The following ZNF875 variants were observed in gnomAD, a reference collection of about 807,000 sequenced individuals.
ZNF875 encodes HKR1, GLI-Kruppel zinc finger family member.
ZNF875 carries 14 observed loss-of-function variants against 11.2 expected under a neutral mutation model. The observed-to-expected ratio is 1.26, with a 90% CI of 0.83 to 1.96. The LOEUF (loss-of-function observed/expected upper bound fraction) is 1.96, where lower values mean the gene tolerates loss of function less well. ZNF875 is among the 30% of genes most tolerant of loss of function. The probability of loss-of-function intolerance (pLI) is 0.00; values close to 1 mark genes in which losing one functional copy is unlikely to be tolerated. For synonymous variants in ZNF875, 301 were observed against 281.1 expected, an observed-to-expected ratio of 1.07 and a Z score of -0.71; for missense variants, 752 against 760.4, an observed-to-expected ratio of 0.99 and a Z score of 0.13.
upstream of ZNF875, among the ~76,000 whole-genome samples, chr19:37,333,892 G>T (rs2033779813): frequency 6.6e-6 from 1 of 151,956 alleles, no homozygotes; most frequent in South Asian, 2.1e-4. Context: ...TCAGACTTAT[G>T]CCTCCTTTCC....
chr19:37,334,605 GCTCCC>G (rs541917672), upstream of ZNF875: 87 of 443,176 alleles, frequency 2.0e-4, no homozygotes, highest in African/African-American at 1.0e-3. Flanking sequence ...GGTCACTTCC[GCTCCC>G]CTCCCTACCC....
intron 2 of ZNF875, among the ~76,000 whole-genome samples, chr19:37,345,575 A>G (rs762835492): frequency 6.6e-6 from 1 of 152,186 alleles, no homozygotes; most frequent in Admixed American, 6.5e-5. Context: ...GGCAGTCTCC[A>G]ATAGTGTGTT....
chr19:37,354,603 A>G (rs1303723086), intron 4 of ZNF875, among the ~76,000 whole-genome samples: 17 of 152,140 alleles, frequency 1.1e-4, no homozygotes, highest in Admixed American at 1.1e-3. Flanking sequence ...GAATAAATAT[A>G]TATGGTGCAG....
intron 4 of ZNF875, among the ~76,000 whole-genome samples, chr19:37,352,024 G>C (rs1157760708): frequency 3.9e-5 from 6 of 152,142 alleles, no homozygotes; most frequent in Non-Finnish European, 8.8e-5. Context: ...TATCATTGTG[G>C]ATTTGTCTAT....
intron 2 of ZNF875, among the ~76,000 whole-genome samples, chr19:37,339,086 T>C (rs2035118628): frequency 1.3e-5 from 2 of 152,044 alleles, no homozygotes; most frequent in Admixed American, 6.6e-5. Flanking sequence ...ACTCAGTAGA[T>C]TACAGTTAAT....
At chr19:37,355,999 G>A (rs1003506305) in intron 4 of ZNF875, among the ~76,000 whole-genome samples, 3 of 152,230 alleles carry the variant, frequency 2.0e-5, no homozygotes, top group African/African-American at 7.2e-5. Context: ...TGTACCCATT[G>A]TTTAGCTCCT....
In ZNF875 at chr19:37,362,101, T is replaced by G. The variant is rs2040034878; in HGVS notation, c.257-8T>G. ...ATGGCCCCTCTGAAAATGTTCTTTC[T>G]TCAGCAGAATCGAAGCCAGAAATTC... On this transcript the variant is annotated splice_polypyrimidine_tract_variant and splice_region_variant and intron_variant, in intron 4 of 4. Transcript: ENST00000392153. 2 of 1,604,136 alleles carry G rather than the reference T, an allele frequency of 1.2e-6. No individual in the cohort carries two copies. The highest frequency in any genetic ancestry group is 1.7e-6 in the Non-Finnish European group (2 of 1,174,190).
chr19:37,325,453 G>A (rs2032265410), intron 4 of ZNF875, among the ~76,000 whole-genome samples: 2 of 152,058 alleles, frequency 1.3e-5, no homozygotes, highest in Non-Finnish European at 2.9e-5. Context: ...AAAAGAAACA[G>A]GTGAAATTAA....
intron 1 of ZNF875, among the ~76,000 whole-genome samples, chr19:37,320,006 C>T (rs1263719945): frequency 1.3e-5 from 2 of 152,196 alleles, no homozygotes; most frequent in Non-Finnish European, 2.9e-5. Flanking sequence ...CCTGCCTCAG[C>T]CTCTCCCAGT....
intron 4 of ZNF875, among the ~76,000 whole-genome samples, chr19:37,329,456 T>C (rs1298031266): frequency 6.6e-6 from 1 of 152,212 alleles, no homozygotes; most frequent in Non-Finnish European, 1.5e-5. Flanking sequence ...ACTCTCTCCA[T>C]AAGTATTTGA....
upstream of ZNF875, among the ~76,000 whole-genome samples, chr19:37,333,931 C>T (rs544321825): frequency 4.9e-4 from 74 of 152,206 alleles, no homozygotes; most frequent in African/African-American, 1.8e-3. Context: ...CCCCACCCTC[C>T]GGAAGTTTCC....
At position 37,362,160 on chromosome 19, in the gene ZNF875, G is replaced by T; in HGVS notation, c.308G>T (p.Ser103Ile). 6.2e-7 allele frequency: 1 copy of T among 1,614,086 alleles called. No homozygotes were observed. The highest frequency in any genetic ancestry group is 1.7e-5 in the Admixed American group (1 of 60,012). ...CCCTCCTGCCCTCTGATTTTCTCCA[G>T]TCAGCAAGCTCTCAGCCAACATGTG... is the stretch of plus-strand genomic sequence containing the variant. ...LSPSCPLIFS[S>I]QQALSQHVWL... The change falls in exon 5 of 5, where the codon AGT becomes ATT. Residue 103 changes from serine to isoleucine, a missense_variant. Ser to Ile is a moderately radical substitution (Grantham distance 142, BLOSUM62 -2). Transcript: ENST00000392153.
chr19:37,343,257 C>T (rs1333001833), intron 2 of ZNF875, among the ~76,000 whole-genome samples: 3 of 151,776 alleles, frequency 2.0e-5, no homozygotes, highest in African/African-American at 4.8e-5. Context: ...GCAGGAGAAT[C>T]GCTTGAACCC....
Position 37,361,213 on chromosome 19 carries a change from C to G in ZNF875, c.257-896C>G, listed in dbSNP as rs533900423. 5.3e-5 allele frequency among the ~76,000 whole-genome samples: 8 copies of G among 150,430 alleles called. No homozygotes were observed. In the South Asian group the frequency reaches 1.7e-3, roughly 32 times the overall value. Reference sequence around the variant, plus strand: ...GCAACGTCCGCCTCCGGGGTTCAAGCGATTCTCCTGCCTCAGCCTCCCAAG... The same window carrying G: ...GCAACGTCCGCCTCCGGGGTTCAAGGGATTCTCCTGCCTCAGCCTCCCAAG... On this transcript the variant is annotated intron_variant, in intron 4 of 4. Transcript: ENST00000392153.
chr19:37,350,757 T>C (rs113629484), intron 4 of ZNF875, among the ~76,000 whole-genome samples: 1,571 of 150,050 alleles, frequency 0.01, 14 homozygotes, highest in South Asian at 0.041. Context: ...TCTTAACCCC[T>C]GGCAACTACT....
At chr19:37,313,385 C>T (rs1040358806), upstream of ZNF875, 2 of 152,256 alleles carry the variant, frequency 1.3e-5, no homozygotes, top group African/African-American at 2.4e-5. Context: ...ACTCTTACCC[C>T]ATAGAATCTC....
At chr19:37,316,696 T>A (rs2030217719), upstream of ZNF875, among the ~76,000 whole-genome samples, 2 of 114,990 alleles carry the variant, frequency 1.7e-5, no homozygotes, top group Non-Finnish European at 3.6e-5. Context: ...GGAGTCTCAC[T>A]CGGTCGCCCA....
upstream of ZNF875, among the ~76,000 whole-genome samples, chr19:37,313,905 C>T (rs1009637894): frequency 1.3e-5 from 2 of 152,052 alleles, no homozygotes; most frequent in African/African-American, 4.8e-5. Context: ...TTATTAATGC[C>T]TATCCCTTAT....
At position 37,363,073 on chromosome 19, in the gene ZNF875, A is replaced by G. The variant is rs1047292591; in HGVS notation, c.1221A>G (p.Ser407=). The G allele has an allele frequency of 1.2e-6, 2 of 1,613,854 alleles. No homozygotes were observed. The highest frequency in any genetic ancestry group is 2.7e-5 in the African/African-American group (2 of 74,870). The change falls in exon 5 of 5, where the codon TCA becomes TCG. Residue 407 remains serine (S), a synonymous_variant. Transcript: ENST00000392153. ...GTGAGCAAGGCTTTAGCCAGAAGTC[A>G]CACCTCATCAGACACTTAAGGACAC... The part of the protein sequence containing the change: ...RECEQGFSQK[S]HLIRHLRTHT...
Sources: allele counts gnomAD v4.1 joint callset (sites outside exome capture counted in the v4.1 genomes callset), GRCh38; gene constraint gnomAD v4.1.1; transcripts MANE v1.5; gene names NCBI Gene and HGNC (gene_info 2026-07-23, HGNC 2026-07-21).